Variants in DTNB observed in about 807,000 individuals in gnomAD.
DTNB encodes dystrobrevin beta.
DTNB carries 63 observed loss-of-function variants against 90.7 expected under a neutral mutation model. The ratio of observed to expected loss-of-function variants is 0.69; its 90% CI spans 0.57 to 0.86. DTNB has a LOEUF of 0.86. Among genes scored for constraint, DTNB ranks in the 40% least tolerant of loss-of-function variants. DTNB has a pLI of 0.00. For missense variants in DTNB, 744 were observed against 807.1 expected (o/e 0.92, Z 0.95); for synonymous variants, 277 against 286.7 (o/e 0.97, Z 0.34).
intron 1 of DTNB, among the ~76,000 whole-genome samples, chr2:25,667,490 A>T (rs2084742786): frequency 6.6e-6 from 1 of 151,912 alleles, no homozygotes; most frequent in Non-Finnish European, 1.5e-5. Flanking sequence ...GCCAGACTCC[A>T]TCTCAAAAAA....
chr2:25,467,513 A>G (rs1366182836), intron 10 of DTNB, among the ~76,000 whole-genome samples: 7 of 152,012 alleles, frequency 4.6e-5, no homozygotes, highest in Non-Finnish European at 7.4e-5. Flanking sequence ...TGTGTTGCCC[A>G]TACTGGTCTT....
At chr2:25,491,144 CACACACACACACAG>C (rs1289547905) in intron 9 of DTNB, among the ~76,000 whole-genome samples, 10 of 67,636 alleles carry the variant, frequency 1.5e-4, no homozygotes, top group Admixed American at 6.2e-4. Flanking sequence ...TGAGCACACA[CACACACACACACAG>C]ACACACACAC....
chr2:25,632,897 G>A (rs554403408), intron 3 of DTNB, among the ~76,000 whole-genome samples: 1 of 152,274 alleles, frequency 6.6e-6, no homozygotes, highest in East Asian at 1.9e-4. Flanking sequence ...TAATGGGAAT[G>A]AGATAAAAAA....
intron 16 of DTNB, among the ~76,000 whole-genome samples, chr2:25,392,535 A>G (rs1030869815): frequency 3.3e-5 from 5 of 152,258 alleles, no homozygotes; most frequent in African/African-American, 1.2e-4. Flanking sequence ...GAAGATCCAA[A>G]TAAGCTCAAA....
intron 1 of DTNB, among the ~76,000 whole-genome samples, chr2:25,671,257 T>C (rs768739436): frequency 2.0e-5 from 3 of 152,240 alleles, no homozygotes; most frequent in Non-Finnish European, 4.4e-5. Context: ...TCTTGGAACA[T>C]ATCCCTGAGG....
chr2:25,582,109 G>A (rs1185836365), intron 6 of DTNB, among the ~76,000 whole-genome samples: 1 of 152,166 alleles, frequency 6.6e-6, no homozygotes, highest in Admixed American at 6.5e-5. Flanking sequence ...GGGGAAAAAA[G>A]GTAGAAAAGA....
At chr2:25,627,081 C>T (rs1461135530) in intron 4 of DTNB, among the ~76,000 whole-genome samples, 1 of 152,116 alleles carries the variant, frequency 6.6e-6, no homozygotes, top group Admixed American at 6.5e-5. Context: ...CTATGTTCTG[C>T]AATGAAAAAA....
At chr2:25,449,517 AT>A (rs1188673276) in intron 12 of DTNB, among the ~76,000 whole-genome samples, 2 of 152,120 alleles carry the variant, frequency 1.3e-5, no homozygotes. Context: ...CATTGTAGCC[AT>A]TCTGGTGGGT....
intron 4 of DTNB, among the ~76,000 whole-genome samples, chr2:25,608,055 C>T (rs889885066): frequency 3.9e-5 from 6 of 152,204 alleles, no homozygotes; most frequent in African/African-American, 1.4e-4. Flanking sequence ...GCTTCATTCA[C>T]TCAACTATGC....
At chr2:25,484,752 G>A (rs2065784116) in intron 9 of DTNB, among the ~76,000 whole-genome samples, 1 of 152,192 alleles carries the variant, frequency 6.6e-6, no homozygotes, top group Non-Finnish European at 1.5e-5. Flanking sequence ...ATTTAGAATT[G>A]AAATATGCCT....
At chr2:25,621,913 G>A (rs1324725813) in intron 4 of DTNB, among the ~76,000 whole-genome samples, 1 of 151,994 alleles carries the variant, frequency 6.6e-6, no homozygotes, top group Non-Finnish European at 1.5e-5. Context: ...TGTTATTGTA[G>A]ATGGTAAACA....
chr2:25,509,605 G>A (rs1198368434), intron 9 of DTNB, among the ~76,000 whole-genome samples: 1 of 151,736 alleles, frequency 6.6e-6, no homozygotes, highest in African/African-American at 2.4e-5. Flanking sequence ...GGTTTCTAAT[G>A]TTGCTCTTCA....
At chr2:25,442,002 G>A (rs1278876434) in intron 12 of DTNB, among the ~76,000 whole-genome samples, 1 of 151,862 alleles carries the variant, frequency 6.6e-6, no homozygotes, top group Non-Finnish European at 1.5e-5. Context: ...GACCAAACAG[G>A]TTTCAAAAAA....
At chr2:25,398,115 A>T (rs2042870535) in intron 16 of DTNB, among the ~76,000 whole-genome samples, 1 of 152,176 alleles carries the variant, frequency 6.6e-6, no homozygotes, top group Admixed American at 6.5e-5. Flanking sequence ...TTGATATTGA[A>T]ATGATGATGG....
chr2:25,481,506 GGTGCCCT>G (rs1484326628), intron 10 of DTNB: 1 of 152,080 alleles, frequency 6.6e-6, no homozygotes, highest in African/African-American at 2.4e-5. Flanking sequence ...TCCATGCTCT[GGTGCCCT>G]GTACCACTCA....
intron 9 of DTNB, among the ~76,000 whole-genome samples, chr2:25,516,222 TG>T (rs2075085105): frequency 6.6e-6 from 1 of 152,096 alleles, no homozygotes. Context: ...GTATTGCTGG[TG>T]GGACTGTAAA....
intron 12 of DTNB, among the ~76,000 whole-genome samples, chr2:25,440,489 GA>G (rs767234530): frequency 6.6e-6 from 1 of 152,152 alleles, no homozygotes; most frequent in Non-Finnish European, 1.5e-5. Flanking sequence ...GTAAAGGACT[GA>G]AAAAGGAAGC....
At chr2:25,556,170 CTTTTT>C (rs60714399) in intron 8 of DTNB, among the ~76,000 whole-genome samples, 6 of 105,560 alleles carry the variant, frequency 5.7e-5, no homozygotes, top group African/African-American at 7.8e-5. Context: ...GGCCATCTCT[CTTTTT>C]TTTTTTTTTT....
intron 8 of DTNB, among the ~76,000 whole-genome samples, chr2:25,533,418 T>G (rs1186226273): frequency 6.6e-6 from 1 of 152,094 alleles, no homozygotes; most frequent in Non-Finnish European, 1.5e-5. Context: ...ATTCTCAACT[T>G]CTCCCCTAAC....
Sources: allele counts gnomAD v4.1 joint callset (sites outside exome capture counted in the v4.1 genomes callset), GRCh38; gene constraint gnomAD v4.1.1; transcripts MANE v1.5; gene names NCBI Gene and HGNC (gene_info 2026-07-23, HGNC 2026-07-21).